VMP1: variants seen among roughly 807,000 people sequenced by gnomAD.
VMP1 encodes the protein vacuole membrane protein 1.
In VMP1, 11 loss-of-function variants were observed where a neutral mutation model predicts 56.0. The ratio of observed to expected loss-of-function variants is 0.20; its 90% CI spans 0.12 to 0.32. The LOEUF is 0.32. Ranked by LOEUF, VMP1 falls within the 10% of genes least tolerant of loss-of-function variation. The probability of loss-of-function intolerance (pLI) is 1.00; values close to 1 mark genes in which losing one functional copy is unlikely to be tolerated. For missense variants in VMP1, 296 were observed against 490.3 expected, an observed-to-expected ratio of 0.60 and a Z score of 3.74; for synonymous variants, 149 against 165.0, an observed-to-expected ratio of 0.90 and a Z score of 0.74.
chr17:59,831,544 T>G (rs2038804862), intron 10 of VMP1, among the ~76,000 whole-genome samples: 1 of 151,634 alleles, frequency 6.6e-6, no homozygotes, highest in South Asian at 2.1e-4. Context: ...CATAGAAAAA[T>G]AATAGATTTT....
chr17:59,713,155 G>A (rs1284963075), intron 1 of VMP1, among the ~76,000 whole-genome samples: 1 of 151,854 alleles, frequency 6.6e-6, no homozygotes, highest in Non-Finnish European at 1.5e-5. Flanking sequence ...CAAGAAGGTG[G>A]GTAGGTGTAG....
At chr17:59,805,779 G>A (rs1197659262) in intron 7 of VMP1, among the ~76,000 whole-genome samples, 2 of 151,864 alleles carry the variant, frequency 1.3e-5, no homozygotes, top group East Asian at 3.8e-4. Context: ...CTATAATTGT[G>A]TCTATTAAAG....
intron 1 of VMP1, among the ~76,000 whole-genome samples, chr17:59,718,100 T>A (rs999962861): frequency 6.6e-6 from 1 of 152,016 alleles, no homozygotes; most frequent in South Asian, 2.1e-4. Context: ...AGATTCTGAA[T>A]GTTTTTAAAT....
intron 5 of VMP1, among the ~76,000 whole-genome samples, chr17:59,741,946 C>A (rs1221013338): frequency 1.3e-5 from 2 of 152,130 alleles, no homozygotes; most frequent in Non-Finnish European, 2.9e-5. Flanking sequence ...CAACATTTTT[C>A]TGTGTAGTTA....
At chr17:59,816,878 G>A (rs1366173724) in intron 9 of VMP1, among the ~76,000 whole-genome samples, 5 of 151,544 alleles carry the variant, frequency 3.3e-5, no homozygotes, top group African/African-American at 1.2e-4. Context: ...CCTGGGAGGC[G>A]GAGGTTGTAG....
At chr17:59,721,715 C>CAAACA (rs57750049) in intron 1 of VMP1, among the ~76,000 whole-genome samples, 36,850 of 150,066 alleles carry the variant, frequency 0.25, 4,777 homozygotes, top group East Asian at 0.42. Flanking sequence ...TCTGTCTCTA[C>CAAACA]AAACAAAACA....
At chr17:59,765,621 T>C (rs1471947775) in intron 6 of VMP1, among the ~76,000 whole-genome samples, 2 of 152,136 alleles carry the variant, frequency 1.3e-5, no homozygotes, top group African/African-American at 2.4e-5. Flanking sequence ...AAAGGAAATA[T>C]ATTTATTATT....
chr17:59,750,113 G>A (rs959682855), intron 5 of VMP1, among the ~76,000 whole-genome samples: 1 of 152,146 alleles, frequency 6.6e-6, no homozygotes, highest in Non-Finnish European at 1.5e-5. Context: ...ATTTGTGACA[G>A]TTGATGAAAA....
intron 1 of VMP1, among the ~76,000 whole-genome samples, chr17:59,727,306 T>A (rs2034645449): frequency 6.6e-6 from 1 of 151,872 alleles, no homozygotes; most frequent in South Asian, 2.1e-4. Flanking sequence ...GGCTATTTTT[T>A]CGTATTTTTA....
intron 6 of VMP1, among the ~76,000 whole-genome samples, chr17:59,773,167 G>A (rs2036497041): frequency 6.6e-6 from 1 of 151,590 alleles, no homozygotes; most frequent in African/African-American, 2.4e-5. Context: ...TCACCCTATT[G>A]GCCAGGATGG....
chr17:59,712,297 T>A (rs557077676), intron 1 of VMP1, among the ~76,000 whole-genome samples: 2 of 152,360 alleles, frequency 1.3e-5, no homozygotes, highest in African/African-American at 4.8e-5. Flanking sequence ...GAGTATACAC[T>A]TCACTTTGTC....
chr17:59,791,603 T>G (rs2037232256), intron 7 of VMP1, among the ~76,000 whole-genome samples: 2 of 149,514 alleles, frequency 1.3e-5, no homozygotes, highest in African/African-American at 4.9e-5. Context: ...CCCTAGTAAC[T>G]GGGATTACAG....
At chr17:59,739,723 C>CAAA (rs35210425) in intron 5 of VMP1, among the ~76,000 whole-genome samples, 17 of 41,548 alleles carry the variant, frequency 4.1e-4, no homozygotes, top group African/African-American at 1.5e-3. Flanking sequence ...GACTCTGTCT[C>CAAA]AAAAAAAAAA....
chr17:59,727,805 T>C (rs577990734), intron 1 of VMP1, among the ~76,000 whole-genome samples: 46 of 152,358 alleles, frequency 3.0e-4, no homozygotes, highest in African/African-American at 1.1e-3. Flanking sequence ...AACATACACA[T>C]GCATACATAG....
At position 59,738,817 on chromosome 17, in the gene VMP1, A is replaced by G; in HGVS notation, c.304-20A>G. Reference sequence around the variant, plus strand: ...TCTGTATAGAGAATTCACGGTTTTCACCTCATCCCTTTTTTTCAGTATGTG... The same window carrying G: ...TCTGTATAGAGAATTCACGGTTTTCGCCTCATCCCTTTTTTTCAGTATGTG... On this transcript the variant is annotated intron_variant, in intron 4 of 11. Coordinates refer to ENST00000262291, the MANE Select transcript of VMP1 (RefSeq NM_030938.5). The G allele has an allele frequency of 6.5e-7, 1 of 1,541,274 alleles. No homozygotes were observed. Among genetic ancestry groups the G allele is most frequent in the Non-Finnish European group, 9.0e-7 (1 of 1,116,238 alleles).
chr17:59,714,465 G>T (rs1273978364), intron 1 of VMP1, among the ~76,000 whole-genome samples: 1 of 151,974 alleles, frequency 6.6e-6, no homozygotes. Context: ...AGTTTTGGAG[G>T]GGACACATAC....
At chr17:59,815,867 A>AG (rs771591262) in intron 9 of VMP1, among the ~76,000 whole-genome samples, 3 of 101,176 alleles carry the variant, frequency 3.0e-5, no homozygotes, top group African/African-American at 5.8e-5. Context: ...AAAAAAAAAA[A>AG]AAAAAAAAAG....
Position 59,840,157 on chromosome 17 carries a change from A to G in VMP1, c.*246A>G. On this transcript the variant is annotated 3_prime_UTR_variant, in exon 12 of 12. Transcript: ENST00000262291. ...GGGTGGAATGTGATGTTCAGCAGCA[A>G]ACTTGCAACAGACTGGCCTTCTGTT... is the stretch of plus-strand genomic sequence containing the variant. The G allele has an allele frequency of 2.3e-6, 1 of 439,520 alleles. No individual in the cohort carries two copies. Among genetic ancestry groups the G allele is most frequent in the Non-Finnish European group, 4.0e-6 (1 of 250,090 alleles). 27.2% of individuals were successfully genotyped at this position (439,520 alleles called of 1,614,324 possible).
chr17:59,837,261 T>TA (rs1439778457), intron 10 of VMP1, among the ~76,000 whole-genome samples: 1 of 152,108 alleles, frequency 6.6e-6, no homozygotes, highest in Non-Finnish European at 1.5e-5. Context: ...GGACAAGCAT[T>TA]AGGCAGTGTT....
Sources: allele counts gnomAD v4.1 joint callset (sites outside exome capture counted in the v4.1 genomes callset), GRCh38; gene constraint gnomAD v4.1.1; transcripts MANE v1.5; gene names NCBI Gene and HGNC (gene_info 2026-07-23, HGNC 2026-07-21).